The following SLC9B1 variants were observed in gnomAD, a reference collection of about 807,000 sequenced individuals.
SLC9B1 encodes solute carrier family 9 member B1, also known as sodium/hydrogen exchanger 9B1.
SLC9B1 carries 32 observed loss-of-function variants against 51.7 expected under a neutral mutation model. That is an observed-to-expected ratio of 0.62 (90% CI 0.47 to 0.83). The LOEUF is 0.83. Ranked by LOEUF, SLC9B1 falls within the 40% of genes least tolerant of loss-of-function variation. The pLI, the probability that SLC9B1 is intolerant of heterozygous loss-of-function variation, is 0.00. For missense variants in SLC9B1, 406 were observed against 613.2 expected, an observed-to-expected ratio of 0.66 and a Z score of 3.57; for synonymous variants, 145 against 212.7, an observed-to-expected ratio of 0.68 and a Z score of 2.77.
At chr4:102,888,578 G>A (rs1197019329) in intron 11 of SLC9B1, 1 of 152,246 alleles carries the variant, frequency 6.6e-6, no homozygotes, top group Non-Finnish European at 1.5e-5. Context: ...TAAAATTTTT[G>A]TGCTTTTTAA....
intron 7 of SLC9B1, among the ~76,000 whole-genome samples, chr4:102,924,717 A>G (rs1271373105): frequency 6.6e-6 from 1 of 152,242 alleles, no homozygotes; most frequent in Non-Finnish European, 1.5e-5. Flanking sequence ...ATATGAAAAA[A>G]TCAAACCCCA....
At chr4:102,908,241 T>G (rs569074236) in intron 9 of SLC9B1, among the ~76,000 whole-genome samples, 1 of 152,402 alleles carries the variant, frequency 6.6e-6, no homozygotes, top group South Asian at 2.1e-4. Context: ...GTTAAAAAAC[T>G]GAATTATTAA....
chr4:102,925,165 T>C (rs1042312823), intron 7 of SLC9B1, among the ~76,000 whole-genome samples: 3 of 152,132 alleles, frequency 2.0e-5, no homozygotes, highest in African/African-American at 7.2e-5. Context: ...CAAATGCCCA[T>C]CAATGATAGA....
intron 11 of SLC9B1, among the ~76,000 whole-genome samples, chr4:102,905,209 GTTTATTTA>G (rs138082740): frequency 9.4e-4 from 137 of 146,048 alleles, no homozygotes; most frequent in Non-Finnish European, 1.3e-3. Flanking sequence ...CTTTGTTTTT[GTTTATTTA>G]TTTATTTATT....
intron 3 of SLC9B1, chr4:102,963,258 C>T: frequency 2.9e-6 from 1 of 340,582 alleles, no homozygotes; most frequent in African/African-American, 2.1e-5. Flanking sequence ...AGGCCTGTCA[C>T]ACCAAGAAGG....
intron 3 of SLC9B1, among the ~76,000 whole-genome samples, chr4:102,954,857 A>C (rs1317260029): frequency 1.3e-5 from 2 of 152,184 alleles, no homozygotes; most frequent in African/African-American, 4.8e-5. Context: ...AGAGGATATA[A>C]AGATAAGGTT....
At chr4:102,893,911 C>G (rs1168821630) in intron 11 of SLC9B1, among the ~76,000 whole-genome samples, 1 of 151,922 alleles carries the variant, frequency 6.6e-6, no homozygotes, top group Non-Finnish European at 1.5e-5. Flanking sequence ...AAAAAACAAA[C>G]AAAAAAACCA....
At chr4:102,970,940 A>C (rs1467195634) in intron 3 of SLC9B1, among the ~76,000 whole-genome samples, 1 of 152,236 alleles carries the variant, frequency 6.6e-6, no homozygotes, top group Non-Finnish European at 1.5e-5. Context: ...AGATCTAACT[A>C]TCCTAACTAT....
At chr4:102,891,529 A>G (rs1369333529) in intron 11 of SLC9B1, 1 of 152,230 alleles carries the variant, frequency 6.6e-6, no homozygotes, top group Non-Finnish European at 1.5e-5. Flanking sequence ...GTGTTATTCA[A>G]AAAGGCAGGA....
intron 7 of SLC9B1, among the ~76,000 whole-genome samples, chr4:102,918,910 C>A (rs1735721183): frequency 6.6e-6 from 1 of 152,164 alleles, no homozygotes; most frequent in Admixed American, 6.5e-5. Context: ...ATACAAATGG[C>A]CAACTAGCAT....
intron 7 of SLC9B1, among the ~76,000 whole-genome samples, chr4:102,928,602 G>A (rs911040567): frequency 4.6e-5 from 7 of 152,078 alleles, no homozygotes; most frequent in African/African-American, 9.7e-5. Flanking sequence ...CCATTACCTT[G>A]GTATCAAAAT....
intron 6 of SLC9B1, among the ~76,000 whole-genome samples, chr4:102,943,505 A>G (rs1354855778): frequency 8.4e-6 from 1 of 119,330 alleles, no homozygotes; most frequent in African/African-American, 3.4e-5. Flanking sequence ...ATGTGTATGT[A>G]TACACACACA....
intron 3 of SLC9B1, among the ~76,000 whole-genome samples, chr4:102,983,261 T>C (rs1178433734): frequency 6.6e-6 from 1 of 152,178 alleles, no homozygotes; most frequent in Non-Finnish European, 1.5e-5. Flanking sequence ...GGTCATGGTG[T>C]ATCCTTTTTA....
In SLC9B1 at chr4:102,969,690, C is replaced by T. The variant is rs957215699; in HGVS notation, c.211+20110G>A. On this transcript the variant is annotated intron_variant, in intron 3 of 11. Coordinates refer to ENST00000296422, the MANE Select transcript of SLC9B1 (RefSeq NM_139173.4). ...GAAGGTCAGTAATAACAAACTTCTC[C>T]GAGCCAAAGGAGGATGTTCGAACCC... Among the ~76,000 whole-genome samples the T allele has an allele frequency of 8.5e-5, 13 of 152,228 alleles. No homozygotes were observed. The South Asian group carries it at 1.0e-3, about 12-fold the overall frequency.
intron 6 of SLC9B1, among the ~76,000 whole-genome samples, chr4:102,939,026 C>T (rs1736855791): frequency 6.6e-6 from 1 of 151,142 alleles, no homozygotes; most frequent in South Asian, 2.1e-4. Context: ...TAACCAAAAT[C>T]AGAGCAGAAT....
intron 11 of SLC9B1, chr4:102,891,675 C>G (rs571261072): frequency 6.6e-6 from 1 of 152,166 alleles, no homozygotes; most frequent in African/African-American, 2.4e-5. Flanking sequence ...GGAAGTTTTC[C>G]CATTCAATTG....
intron 7 of SLC9B1, among the ~76,000 whole-genome samples, chr4:102,923,362 G>A (rs567449264): frequency 6.6e-6 from 1 of 152,078 alleles, no homozygotes; most frequent in African/African-American, 2.4e-5. Flanking sequence ...AAATTCAACA[G>A]CCCTTCATGC....
exon 12 of SLC9B1, chr4:102,885,284 C>A (rs374058087): frequency 1.2e-6 from 2 of 1,613,976 alleles, no homozygotes; most frequent in African/African-American, 2.7e-5. Flanking sequence ...TGCAGTTCGT[C>A]CATTCCTCCC....
Position 102,981,251 on chromosome 4 carries a change from A to T in SLC9B1, c.211+8549T>A, listed in dbSNP as rs751907027. Among the ~76,000 whole-genome samples the T allele has an allele frequency of 2.0e-5, 3 of 152,150 alleles. No homozygotes were observed. In the East Asian group the frequency reaches 5.8e-4, roughly 29 times the overall value. On this transcript the variant is annotated intron_variant, in intron 3 of 11. Coordinates refer to ENST00000296422, the MANE Select transcript of SLC9B1 (RefSeq NM_139173.4). ...AGTTTATTTATTCACTCACCTAATG[A>T]AAGACATTTTGATTGCTTCTGAATT... is the stretch of plus-strand genomic sequence containing the variant.
Sources: allele counts gnomAD v4.1 joint callset (sites outside exome capture counted in the v4.1 genomes callset), GRCh38; gene constraint gnomAD v4.1.1; transcripts MANE v1.5; gene names NCBI Gene and HGNC (gene_info 2026-07-23, HGNC 2026-07-21).